Variants in CD46 observed in about 807,000 individuals in gnomAD.
CD46 encodes membrane cofactor protein.
A neutral mutation model predicts 53.3 loss-of-function variants in CD46; 30 were observed. The observed-to-expected ratio is 0.56, with a 90% confidence interval of 0.42 to 0.76. The LOEUF is 0.76. Ranked by LOEUF, CD46 falls within the 30% of genes least tolerant of loss-of-function variation. CD46 has a pLI of 0.00. For synonymous variants in CD46, 142 were observed against 152.0 expected, an observed-to-expected ratio of 0.93 and a Z score of 0.48; for missense variants, 409 against 463.0, an observed-to-expected ratio of 0.88 and a Z score of 1.07.
rs753636122 is a variant in CD46, at chr1:207,752,196, C to G, written c.-17C>G. The G allele has an allele frequency of 6.2e-7, 1 of 1,610,760 alleles. No individual in the cohort carries two copies. The highest frequency in any genetic ancestry group is 2.2e-5 in the East Asian group (1 of 44,870). ...CTGCTTTCCTCCGGAGAAATAACAG[C>G]GTCTTCCGCGCCGCGCATGGAGCCT... On this transcript the variant is annotated 5_prime_UTR_variant, in exon 1 of 13. Transcript: ENST00000367042. This position sits in a 1 kb window ranked among gnomAD's most constrained non-coding sequence, Gnocchi z 4.1.
chr1:207,752,411 G>C lies in CD46; in HGVS notation c.97+102G>C. 8 of 1,118,216 alleles carry C rather than the reference G, an allele frequency of 7.2e-6. No homozygotes were observed. The highest frequency in any genetic ancestry group is 1.1e-5 in the Non-Finnish European group (8 of 736,096). 69.3% of individuals were successfully genotyped at this position (1,118,216 alleles called of 1,614,324 possible). ...GGCTCACAGCAGGCCGTGCCTGTTT[G>C]GGGACAGGGTTCTCTGAGGGGTGCA... On this transcript the variant is annotated intron_variant, in intron 1 of 12. Transcript: ENST00000367042. The surrounding 1 kb of genome is among the most constrained non-coding windows in gnomAD (Gnocchi z 4.1).
intron 4 of CD46, 101 bp downstream of exon 4, chr1:207,759,825 G>A: frequency 1.4e-6 from 1 of 696,102 alleles, no homozygotes; most frequent in Non-Finnish European, 2.6e-6. Flanking sequence ...ATCCCAAAGA[G>A]GTTTCTTTTA....
intron 8 of CD46, 80 bp downstream of exon 8, chr1:207,770,442 T>C: frequency 1.9e-6 from 2 of 1,043,306 alleles, no homozygotes; most frequent in South Asian, 2.6e-5. Flanking sequence ...CTAGGGTATG[T>C]GTGCACAGCG....
intron 8 of CD46, among the ~76,000 whole-genome samples, chr1:207,771,457 A>G (rs908177140): frequency 6.6e-6 from 1 of 151,688 alleles, no homozygotes; most frequent in Admixed American, 6.6e-5. Flanking sequence ...TGTTTTAGTT[A>G]TGAAGTATTT....
chr1:207,752,745 G>A lies in CD46; in HGVS notation c.97+436G>A, dbSNP rs1366610726. 6.6e-6 allele frequency among the ~76,000 whole-genome samples: 1 copy of A among 152,150 alleles called. No individual in the cohort carries two copies. Among genetic ancestry groups the A allele is most frequent in the Non-Finnish European group, 1.5e-5 (1 of 68,026 alleles). Reference sequence around the variant, plus strand: ...CCTTGGTGAGTGGGGTGTTCATTAGGGCTTGGACAGTACCCGCGGTAAGGG... The same window carrying A: ...CCTTGGTGAGTGGGGTGTTCATTAGAGCTTGGACAGTACCCGCGGTAAGGG... On this transcript the variant is annotated intron_variant, in intron 1 of 12. Coordinates refer to ENST00000367042, the MANE Select transcript of CD46 (RefSeq NM_172351.3). This position sits in a 1 kb window ranked among gnomAD's most constrained non-coding sequence, Gnocchi z 4.1.
At chr1:207,791,341 A>G (rs1407833845) in intron 12 of CD46, among the ~76,000 whole-genome samples, 1 of 152,216 alleles carries the variant, frequency 6.6e-6, no homozygotes, top group African/African-American at 2.4e-5. Context: ...AGCAATAACT[A>G]ATAACTAATA....
At chr1:207,793,466 T>G in intron 12 of CD46, 53 bp from the exon 13 acceptor site, 1 of 1,371,126 alleles carries the variant, frequency 7.3e-7, no homozygotes, top group South Asian at 1.2e-5. Flanking sequence ...GAATTTAATT[T>G]CTGTACTTAA....
At chr1:207,791,181 G>T (rs1571705416) in intron 12 of CD46, among the ~76,000 whole-genome samples, 1 of 152,206 alleles carries the variant, frequency 6.6e-6, no homozygotes, top group South Asian at 2.1e-4. Flanking sequence ...ATATACAGTA[G>T]TTCCTTCTTA....
At chr1:207,770,415 T>G (rs1657369593) in intron 8 of CD46, 53 bp downstream of exon 8, 1 of 1,253,040 alleles carries the variant, frequency 8.0e-7, no homozygotes, top group Admixed American at 1.7e-5. Flanking sequence ...TTATTTATTT[T>G]TATTATACTT....
chr1:207,759,826 G>T, intron 4 of CD46, 102 bp downstream of exon 4: 1 of 694,236 alleles, frequency 1.4e-6, no homozygotes, highest in Non-Finnish European at 2.6e-6. Context: ...TCCCAAAGAG[G>T]TTTCTTTTAT....
rs1299438455 is a variant in CD46, at chr1:207,767,822, A to G, written c.900A>G (p.Ser300=). 1.9e-6 allele frequency: 3 copies of G among 1,606,212 alleles called. No individual in the cohort carries two copies. Among genetic ancestry groups the G allele is most frequent in the Non-Finnish European group, 2.6e-6 (3 of 1,173,120 alleles). ...CAAAATCTCCAGCGTCCAGTGCCTC[A>G]GGTTTAGTAATTTCCTGCTTATAGT... ...STTKSPASSA[S]GPRPTYKPPV... is the part of the protein sequence containing the mutation. Residue 300 remains serine (S), a splice_region_variant and synonymous_variant, in exon 7 of 13, where the codon TCA becomes TCG. Coordinates refer to ENST00000367042, the MANE Select transcript of CD46 (RefSeq NM_172351.3).
intron 8 of CD46, among the ~76,000 whole-genome samples, chr1:207,774,195 A>G (rs1217475685): frequency 6.8e-6 from 1 of 148,130 alleles, no homozygotes; most frequent in Middle Eastern, 3.3e-3. Context: ...ATCAGAAACT[A>G]GAATTGCAAC....
chr1:207,754,693 G>A (rs946170359), intron 1 of CD46, among the ~76,000 whole-genome samples: 1 of 152,062 alleles, frequency 6.6e-6, no homozygotes, highest in African/African-American at 2.4e-5. Flanking sequence ...TAAAAAGCTA[G>A]GGCAGTGGCA....
chr1:207,773,618 G>A (rs1449840334), intron 8 of CD46, among the ~76,000 whole-genome samples: 3 of 152,170 alleles, frequency 2.0e-5, no homozygotes, highest in Non-Finnish European at 2.9e-5. Context: ...TGGTTTTAAA[G>A]AACAACTTTA....
intron 3 of CD46, among the ~76,000 whole-genome samples, chr1:207,759,437 C>A (rs1655933064): frequency 6.6e-6 from 1 of 152,132 alleles, no homozygotes; most frequent in Non-Finnish European, 1.5e-5. Context: ...TTGCTCTTGG[C>A]CAATATATAT....
chr1:207,793,726 A>G lies in CD46; in HGVS notation c.*249A>G. The G allele has an allele frequency of 1.3e-6, 1 of 765,294 alleles. No individual in the cohort carries two copies. Among genetic ancestry groups the G allele is most frequent in the Non-Finnish European group, 2.3e-6 (1 of 429,056 alleles). 47.4% of individuals were successfully genotyped at this position (765,294 alleles called of 1,614,324 possible). On this transcript the variant is annotated 3_prime_UTR_variant, in exon 13 of 13. Coordinates refer to ENST00000367042, the MANE Select transcript of CD46 (RefSeq NM_172351.3). ...ATTGCAATGTGGCTTGAATGTAGGTAGCATCCTTTGATGCTTCTTTGAAAC... is the reference window on the plus strand; with the variant it reads ...ATTGCAATGTGGCTTGAATGTAGGTGGCATCCTTTGATGCTTCTTTGAAAC...
intron 8 of CD46, among the ~76,000 whole-genome samples, chr1:207,770,588 T>A (rs373321321): frequency 6.6e-6 from 1 of 152,290 alleles, no homozygotes; most frequent in Non-Finnish European, 1.5e-5. Context: ...GTGTGTGATG[T>A]TCCCCACCCT....
At chr1:207,788,845 A>C (rs1461400747) in intron 11 of CD46, among the ~76,000 whole-genome samples, 1 of 152,246 alleles carries the variant, frequency 6.6e-6, no homozygotes, top group Non-Finnish European at 1.5e-5. Context: ...AAGATCATCC[A>C]ACATCATTTA....
chr1:207,790,320 G>A lies in CD46; in HGVS notation c.*16G>A, dbSNP rs1659681783. On this transcript the variant is annotated 3_prime_UTR_variant, in exon 12 of 13. Coordinates refer to ENST00000367042, the MANE Select transcript of CD46 (RefSeq NM_172351.3). ...TTCTCTCTGAGAAGGAGAGATGAGAGAAAGGTTTGCTTTTATCATTAAAAG... is the reference window on the plus strand; with the variant it reads ...TTCTCTCTGAGAAGGAGAGATGAGAAAAAGGTTTGCTTTTATCATTAAAAG... 1 of 1,584,630 alleles carries A rather than the reference G, an allele frequency of 6.3e-7. No individual in the cohort carries two copies.
Sources: allele counts gnomAD v4.1 joint callset (sites outside exome capture counted in the v4.1 genomes callset), GRCh38; gene constraint gnomAD v4.1.1; non-coding constraint Gnocchi (gnomAD v3.1); transcripts MANE v1.5; gene names NCBI Gene and HGNC (gene_info 2026-07-23, HGNC 2026-07-21).